Variants in L3MBTL1 observed in about 807,000 individuals in gnomAD.
L3MBTL1 encodes L3MBTL histone methyl-lysine binding protein 1.
Under a neutral mutation model 105.3 loss-of-function variants are expected in L3MBTL1, and 75 were observed. That is an observed-to-expected ratio of 0.71 (90% CI 0.59 to 0.86). The LOEUF (loss-of-function observed/expected upper bound fraction) is 0.86, where lower values mean the gene tolerates loss of function less well. L3MBTL1 is among the 40% of genes least tolerant of loss of function. The probability of loss-of-function intolerance (pLI) is 0.00; values close to 1 mark genes in which losing one functional copy is unlikely to be tolerated. For synonymous variants in L3MBTL1, 452 were observed against 436.2 expected (o/e 1.04, Z -0.45); for missense variants, 1,069 against 1,126.4 (o/e 0.95, Z 0.73).
At position 43,515,282 on chromosome 20, in the gene L3MBTL1, C is replaced by T. The variant is rs555402988; in HGVS notation, c.654-10C>T. Reference sequence around the variant, plus strand: ...GGGTGGTTCTTTCCCTAAGGCTGGCCCTTCCTCAGGTCAGTCATAGTGGAG... The same window carrying T: ...GGGTGGTTCTTTCCCTAAGGCTGGCTCTTCCTCAGGTCAGTCATAGTGGAG... On this transcript the variant is annotated splice_polypyrimidine_tract_variant and intron_variant, in intron 5 of 21. Transcript: ENST00000418998. 3.7e-6 allele frequency: 6 copies of T among 1,609,280 alleles called. No homozygotes were observed. The highest frequency in any genetic ancestry group is 4.5e-5 in the East Asian group (2 of 44,696).
Position 43,533,995 on chromosome 20 carries a change from T to A in L3MBTL1, c.1514-13T>A. The A allele has an allele frequency of 6.2e-7, 1 of 1,607,260 alleles. No homozygotes were observed. The highest frequency in any genetic ancestry group is 8.5e-7 in the Non-Finnish European group (1 of 1,173,882). On this transcript the variant is annotated splice_polypyrimidine_tract_variant and intron_variant, in intron 13 of 21. Transcript: ENST00000418998. ...CCTGGGTGGCTAGACATTGCTCTCA[T>A]CCTCTCCTCCAGACTACCCAGACCC...
At chr20:43,525,719 T>G (rs2018997141) in intron 7 of L3MBTL1, among the ~76,000 whole-genome samples, 1 of 152,200 alleles carries the variant, frequency 6.6e-6, no homozygotes, top group Non-Finnish European at 1.5e-5. Flanking sequence ...TCAGGCCTCT[T>G]TCCAGTGGAT....
chr20:43,514,364 G>A (rs921067455), intron 3 of L3MBTL1: 10 of 1,334,626 alleles, frequency 7.5e-6, no homozygotes, highest in Non-Finnish European at 7.9e-6. Flanking sequence ...GCGTGGCTTA[G>A]AGTGGGGTAC....
At chr20:43,515,900 A>C (rs2018362286) in intron 6 of L3MBTL1, 193 bp from the exon 7 acceptor site, 5 of 578,148 alleles carry the variant, frequency 8.6e-6, no homozygotes, top group South Asian at 4.1e-5. Flanking sequence ...GTGCATGCTC[A>C]TGTGAGTCTG....
chr20:43,541,482 T>G lies in L3MBTL1; in HGVS notation c.*354T>G, dbSNP rs1287493583. 4.6e-6 allele frequency: 1 copy of G among 217,246 alleles called. No homozygotes were observed. The allele number at this position is 217,246 out of a possible 1,614,324, so 13.5% of individuals were successfully genotyped here. A position where few individuals can be genotyped will look rare whatever the true frequency, so the allele number is the denominator to read the frequency against. ...ATTACAGTCATGCATTGCTTAACGA[T>G]GGGGATACATTCTTAGAAATGTGTC... On this transcript the variant is annotated 3_prime_UTR_variant, in exon 22 of 22. Transcript: ENST00000418998.
chr20:43,529,117 G>A, intron 8 of L3MBTL1, 147 bp from the exon 9 acceptor site: 1 of 641,436 alleles, frequency 1.6e-6, no homozygotes, highest in Non-Finnish European at 2.8e-6. Context: ...TCTCTCTCTA[G>A]ATCCCTGTAG....
intron 12 of L3MBTL1, 118 bp downstream of exon 12, chr20:43,533,042 T>G: frequency 1.0e-6 from 1 of 985,390 alleles, no homozygotes; most frequent in East Asian, 2.5e-5. Flanking sequence ...CAGATCTTCC[T>G]CCGGTTGGAA....
chr20:43,523,325 C>A lies in L3MBTL1; in HGVS notation c.863-5332C>A, dbSNP rs774553718. 2.1e-3 allele frequency: 459 copies of A among 217,450 alleles called. 1 individual carries two copies. The highest frequency in any genetic ancestry group is 3.8e-3 in the Non-Finnish European group (389 of 101,124). The allele number at this position is 217,450 out of a possible 1,614,324, so 13.5% of individuals were successfully genotyped here. On this transcript the variant is annotated intron_variant, in intron 7 of 21. Transcript: ENST00000418998. ...TGGTACCTGCAATTAAACCTGGAGA[C>A]ATAAATTTTCCAGAGTGGTAGAATC...
chr20:43,511,361 A>C (rs1212009248), intron 1 of L3MBTL1, among the ~76,000 whole-genome samples: 1 of 152,254 alleles, frequency 6.6e-6, no homozygotes, highest in Non-Finnish European at 1.5e-5. Context: ...GAGATGACTG[A>C]TCAAACACAG....
chr20:43,516,019 G>T, intron 6 of L3MBTL1, 74 bp from the exon 7 acceptor site: 1 of 1,156,664 alleles, frequency 8.6e-7, no homozygotes. Flanking sequence ...GCCAGGTAGG[G>T]GCCAGGATCA....
downstream of L3MBTL1, among the ~76,000 whole-genome samples, chr20:43,543,049 G>C (rs1282606424): frequency 6.6e-6 from 1 of 151,378 alleles, no homozygotes. Context: ...GCCCCCAGGT[G>C]GTTTTCATGT....
intron 18 of L3MBTL1, among the ~76,000 whole-genome samples, chr20:43,547,102 C>CTTTTTTTTTTTTTTTTTTT (rs11478523): frequency 8.2e-6 from 1 of 122,646 alleles, no homozygotes; most frequent in Non-Finnish European, 1.7e-5. Flanking sequence ...TTTTTAATGA[C>CTTTTTTTTTTTTTTTTTTT]TTTTTTTTTT....
chr20:43,516,840 C>A (rs928445657), intron 7 of L3MBTL1, among the ~76,000 whole-genome samples: 1 of 152,026 alleles, frequency 6.6e-6, no homozygotes, highest in African/African-American at 2.4e-5. Context: ...GTTGCCCAGG[C>A]TGGAGTAAAG....
chr20:43,518,407 C>T (rs1196245537), intron 7 of L3MBTL1, among the ~76,000 whole-genome samples: 1 of 152,122 alleles, frequency 6.6e-6, no homozygotes, highest in Non-Finnish European at 1.5e-5. Context: ...TGACGGAGTG[C>T]TCCAGTAGTT....
intron 19 of L3MBTL1, chr20:43,539,735 C>CA (rs1555877967): frequency 7.7e-6 from 2 of 259,064 alleles, no homozygotes; most frequent in Non-Finnish European, 1.5e-5. Flanking sequence ...CGGAAGGACT[C>CA]ATGAGAAGAA....
downstream of L3MBTL1, among the ~76,000 whole-genome samples, chr20:43,545,909 A>T (rs1176229183): frequency 1.3e-5 from 2 of 152,168 alleles, no homozygotes; most frequent in Non-Finnish European, 2.9e-5. Context: ...GCCTCCGTTT[A>T]ACCTCTAAGG....
chr20:43,530,692 G>T (rs6073119), intron 10 of L3MBTL1, 106 bp from the exon 11 acceptor site: 180,230 of 1,072,786 alleles, frequency 0.17, 16,497 homozygotes, highest in Middle Eastern at 0.24. Flanking sequence ...TTGAGGGTTG[G>T]GGGGAGGTCC....
chr20:43,529,495 C>A, intron 9 of L3MBTL1, 127 bp downstream of exon 9: 1 of 696,782 alleles, frequency 1.4e-6, no homozygotes, highest in South Asian at 1.8e-5. Flanking sequence ...GTGGATGAAG[C>A]TGGAATACAT....
In L3MBTL1 at chr20:43,515,027, C is replaced by T. The variant is rs1479375736; in HGVS notation, c.521C>T (p.Pro174Leu). The change falls in exon 5 of 22, where the codon CCT (proline) becomes CTT (leucine). Residue 174 changes from proline to leucine, a missense_variant. Physicochemically the swap from Pro to Leu is moderately conservative, Grantham distance 98 (BLOSUM62 -3). Transcript: ENST00000418998. Reference protein sequence around the residue: ...PQQAEDHPQNPPEDPNQDPPE... With the variant: ...PQQAEDHPQNLPEDPNQDPPE... ...CCCGCAGAGGACCACCCCCAGAATC[C>T]TCCAGAAGATCCCAATCAGGACCCC... 3.7e-6 allele frequency: 6 copies of T among 1,614,010 alleles called. No homozygotes were observed. The highest frequency in any genetic ancestry group is 1.1e-5 in the South Asian group (1 of 91,088).
Sources: gnomAD v4.1 joint callset for allele counts (sites outside exome capture counted in the v4.1 genomes callset) on GRCh38, gnomAD v4.1.1 for gene constraint, MANE v1.5 for transcripts, NCBI Gene and HGNC (gene_info 2026-07-23, HGNC 2026-07-21) for gene names.